GALNT14: variants seen among roughly 807,000 people sequenced by gnomAD.
The protein encoded by GALNT14 is polypeptide N-acetylgalactosaminyltransferase 14, also known as UDP-GalNAc:polypeptide N-acetylgalactosaminyltransferase 14.
Under a neutral mutation model 77.5 loss-of-function variants are expected in GALNT14, and 60 were observed. The ratio of observed to expected loss-of-function variants is 0.77; its 90% CI spans 0.63 to 0.96. GALNT14 has a LOEUF of 0.96. GALNT14 is among the 40% of genes least tolerant of loss of function. The probability of loss-of-function intolerance (pLI) is 0.00; values close to 1 mark genes in which losing one functional copy is unlikely to be tolerated. For synonymous variants in GALNT14, 280 were observed against 281.7 expected, an observed-to-expected ratio of 0.99 and a Z score of 0.06; for missense variants, 710 against 731.0, an observed-to-expected ratio of 0.97 and a Z score of 0.33.
At chr2:30,955,480 C>T in intron 6 of GALNT14, 138 bp downstream of exon 6, 2 of 1,182,564 alleles carry the variant, frequency 1.7e-6, no homozygotes, top group East Asian at 2.4e-5. Flanking sequence ...GTTCCTTCAT[C>T]AATAAAATCG....
intron 2 of GALNT14, among the ~76,000 whole-genome samples, chr2:30,991,648 T>C (rs1415777737): frequency 2.0e-5 from 3 of 152,254 alleles, no homozygotes; most frequent in Middle Eastern, 3.4e-3. Flanking sequence ...TGTAATATCA[T>C]CTAGTTCACC....
intron 1 of GALNT14, among the ~76,000 whole-genome samples, chr2:31,010,486 G>A (rs189758718): frequency 2.1e-4 from 32 of 152,290 alleles, no homozygotes; most frequent in Admixed American, 2.1e-3. Flanking sequence ...GGGGTGGTGA[G>A]CACCTGTAGT....
At chr2:31,048,862 A>T (rs949629017) in intron 1 of GALNT14, among the ~76,000 whole-genome samples, 2 of 151,946 alleles carry the variant, frequency 1.3e-5, no homozygotes, top group Non-Finnish European at 2.9e-5. Context: ...ACTGAACTTG[A>T]CTTCCCTACC....
At chr2:31,042,917 T>C (rs1260675885) in intron 1 of GALNT14, among the ~76,000 whole-genome samples, 3 of 152,136 alleles carry the variant, frequency 2.0e-5, no homozygotes, top group African/African-American at 7.2e-5. Flanking sequence ...GTCATTCCTT[T>C]CCTCAAAACC....
intron 1 of GALNT14, among the ~76,000 whole-genome samples, chr2:31,072,263 T>TCA (rs544087870): frequency 0.085 from 6,862 of 80,280 alleles, 234 homozygotes; most frequent in Non-Finnish European, 0.11. Flanking sequence ...TCTCTCTCTC[T>TCA]CACACACACA....
At chr2:30,964,970 G>A (rs1347770296) in intron 3 of GALNT14, among the ~76,000 whole-genome samples, 2 of 152,100 alleles carry the variant, frequency 1.3e-5, no homozygotes, top group Non-Finnish European at 2.9e-5. Context: ...TCTGACCCAT[G>A]TTTCATCATA....
chr2:30,934,810 C>G (rs1488931224), intron 9 of GALNT14, among the ~76,000 whole-genome samples: 1 of 152,178 alleles, frequency 6.6e-6, no homozygotes, highest in African/African-American at 2.4e-5. Flanking sequence ...AGAGTTCACT[C>G]TATGCTGAGG....
intron 9 of GALNT14, among the ~76,000 whole-genome samples, chr2:30,933,892 GAAC>G (rs1456421177): frequency 3.9e-5 from 6 of 152,340 alleles, no homozygotes; most frequent in African/African-American, 1.4e-4. Flanking sequence ...AGAATTTTGA[GAAC>G]AACTGTGTAA....
At chr2:30,972,381 C>T (rs1475292846) in intron 2 of GALNT14, among the ~76,000 whole-genome samples, 1 of 152,184 alleles carries the variant, frequency 6.6e-6, no homozygotes, top group Non-Finnish European at 1.5e-5. Context: ...TGGGACTGAA[C>T]CTTCGCTGCT....
chr2:31,114,422 G>A (rs1255281954), intron 1 of GALNT14, among the ~76,000 whole-genome samples: 2 of 152,140 alleles, frequency 1.3e-5, no homozygotes, highest in Non-Finnish European at 2.9e-5. Flanking sequence ...GCACTTAACG[G>A]TATTCAATTA....
chr2:31,068,138 CAG>C (rs1675102504), intron 1 of GALNT14, among the ~76,000 whole-genome samples: 1 of 152,264 alleles, frequency 6.6e-6, no homozygotes, highest in Admixed American at 6.5e-5. Flanking sequence ...GAGCCCAGAC[CAG>C]CAGACCCCTA....
At chr2:31,136,207 A>G (rs535301803) in intron 1 of GALNT14, among the ~76,000 whole-genome samples, 54 of 152,152 alleles carry the variant, frequency 3.5e-4, no homozygotes, top group African/African-American at 1.3e-3. Flanking sequence ...GACCCTCTCC[A>G]AGAGTCCTCA....
At chr2:30,941,170 C>G (rs2148278061) in intron 9 of GALNT14, among the ~76,000 whole-genome samples, 1 of 152,332 alleles carries the variant, frequency 6.6e-6, no homozygotes, top group Admixed American at 6.5e-5. Flanking sequence ...CTGTGTCAGA[C>G]ATGTGCCACG....
chr2:31,016,065 C>T (rs1370521477), intron 1 of GALNT14, among the ~76,000 whole-genome samples: 5 of 152,144 alleles, frequency 3.3e-5, no homozygotes, highest in Admixed American at 1.3e-4. Flanking sequence ...TGGATCCGCT[C>T]GGGCTACCAT....
At chr2:30,904,884 C>T in the GALNT14 span, among the ~76,000 whole-genome samples, 1 of 152,028 alleles carries the variant, frequency 6.6e-6, no homozygotes, top group Non-Finnish European at 1.5e-5. Flanking sequence ...AGACTGCCTC[C>T]TCAAGTGGGT....
At chr2:31,056,868 A>G (rs976709988) in intron 1 of GALNT14, among the ~76,000 whole-genome samples, 5 of 152,180 alleles carry the variant, frequency 3.3e-5, no homozygotes, top group Non-Finnish European at 7.3e-5. Context: ...TCGCAAACAC[A>G]TGGAATCAAC....
chr2:30,903,474 G>A, the GALNT14 span, among the ~76,000 whole-genome samples: 3 of 152,198 alleles, frequency 2.0e-5, no homozygotes, highest in Non-Finnish European at 4.4e-5. Flanking sequence ...CTTGCCATCC[G>A]GGCTTACTTG....
At chr2:30,924,405 G>A (rs1286513468) in intron 12 of GALNT14, 142 bp from the exon 13 acceptor site, 1 of 849,038 alleles carries the variant, frequency 1.2e-6, no homozygotes. Flanking sequence ...GAAGGGCAGG[G>A]TGCCACTAAG....
chr2:31,120,606 G>A (rs567559344), intron 1 of GALNT14, among the ~76,000 whole-genome samples: 1 of 152,218 alleles, frequency 6.6e-6, no homozygotes, highest in South Asian at 2.1e-4. Context: ...GCCCAGGCTG[G>A]AGTGCAGTGC....
Sources: allele counts gnomAD v4.1 joint callset (sites outside exome capture counted in the v4.1 genomes callset), GRCh38; gene constraint gnomAD v4.1.1; transcripts MANE v1.5; gene names NCBI Gene and HGNC (gene_info 2026-07-23, HGNC 2026-07-21).